Variants in TAT observed in about 807,000 individuals in gnomAD.
The protein encoded by TAT is L-tyrosine:2-oxoglutarate aminotransferase.
In TAT, 35 loss-of-function variants were observed where a neutral mutation model predicts 53.6. The observed-to-expected ratio is 0.65, with a 90% confidence interval of 0.50 to 0.87. The LOEUF is 0.87. Among genes scored for constraint, TAT ranks in the 40% least tolerant of loss-of-function variants. The pLI is 0.00. For missense variants in TAT, 525 were observed against 571.8 expected (o/e 0.92, Z 0.83); for synonymous variants, 197 against 206.5 (o/e 0.95, Z 0.39).
At chr16:71,572,477 T>A in intron 5 of TAT, 53 bp downstream of exon 5, 1 of 1,612,956 alleles carries the variant, frequency 6.2e-7, no homozygotes, top group Non-Finnish European at 8.5e-7. Flanking sequence ...GTTCATATAT[T>A]TTTTACAGGT....
rs1176697853 is a variant in TAT at position 71,570,450 on chromosome 16, T to A, written c.913-53A>T. 9.3e-6 allele frequency: 15 copies of A among 1,613,896 alleles called. No individual in the cohort carries two copies. The East Asian group carries it at 3.1e-4, about 34-fold the overall frequency. On this transcript the variant is annotated intron_variant, in intron 8 of 11. Transcript: ENST00000355962. Reference sequence around the variant, plus strand: ...GTTTAGCTTTTCTTAAGCATCTCTGTCTTAGAGTTTCTTGTTCTGACCTTT... The same window carrying A: ...GTTTAGCTTTTCTTAAGCATCTCTGACTTAGAGTTTCTTGTTCTGACCTTT...
chr16:71,570,759 G>T lies in TAT; in HGVS notation c.832C>A (p.Leu278Met). 6.2e-7 allele frequency: 1 copy of T among 1,614,188 alleles called. No individual in the cohort carries two copies. Among genetic ancestry groups the T allele is most frequent in the Non-Finnish European group, 8.5e-7 (1 of 1,180,048 alleles). ...TDVPILSCGG[L>M]AKRWLVPGWR... ...CCAGGAACCAGCCAGCGCTTGGCCA[G>T]CCCTCCACAGGACAGGATGGGGACA... Residue 278 changes from leucine to methionine, a missense_variant, in exon 8 of 12, where the codon CTG becomes ATG. Physicochemically the swap from Leu to Met is conservative, Grantham distance 15. Transcript: ENST00000355962.
Position 71,567,955 on chromosome 16 carries a change from C to T in TAT, c.*189G>A, listed in dbSNP as rs540895737. 30 of 654,532 alleles carry T rather than the reference C, an allele frequency of 4.6e-5. No individual in the cohort carries two copies. The highest frequency in any genetic ancestry group is 7.0e-5 in the South Asian group (4 of 56,952). 40.5% of individuals were successfully genotyped at this position (654,532 alleles called of 1,614,324 possible). ...GCAGCGCAGAGCAAGGGAGAATCTG[C>T]GATGTGAATGAGGAGGATCTGAGTG... On this transcript the variant is annotated 3_prime_UTR_variant, in exon 12 of 12. Coordinates refer to ENST00000355962, the MANE Select transcript of TAT (RefSeq NM_000353.3).
intron 3 of TAT, chr16:71,575,485 T>A (rs1466718195): frequency 3.9e-6 from 1 of 255,266 alleles, no homozygotes; most frequent in African/African-American, 2.2e-5. Context: ...TTCAATGTGC[T>A]CAGGACCATA....
chr16:71,573,347 C>A (rs2044215791), intron 4 of TAT, among the ~76,000 whole-genome samples, 192 bp downstream of exon 4: 1 of 152,190 alleles, frequency 6.6e-6, no homozygotes. Context: ...TGGTCATTAT[C>A]ACACTGTAAT....
rs911826247 is a variant in TAT at position 71,576,528 on chromosome 16, T to G, written c.-12-101A>C. On this transcript the variant is annotated intron_variant, in intron 1 of 11. Coordinates refer to ENST00000355962, the MANE Select transcript of TAT (RefSeq NM_000353.3). ...ACATTGGGTGACTTCACTAAAAGTG[T>G]CTTTCCAAACTCTCTCTTTATTTTT... is the stretch of plus-strand genomic sequence containing the variant. 16 of 986,380 alleles carry G rather than the reference T, an allele frequency of 1.6e-5. No individual in the cohort carries two copies. In the East Asian group the frequency reaches 4.0e-4, roughly 25 times the overall value. 61.1% of individuals were successfully genotyped at this position (986,380 alleles called of 1,614,324 possible). A position where few individuals can be genotyped will look rare whatever the true frequency, so the allele number is the denominator to read the frequency against.
chr16:71,570,537 T>G (rs2044194987), intron 8 of TAT, 140 bp from the exon 9 acceptor site: 2 of 1,565,230 alleles, frequency 1.3e-6, no homozygotes, highest in African/African-American at 1.4e-5. Context: ...TCAGACCCTC[T>G]GGGTTCGTAG....
chr16:71,568,252 G>A lies in TAT; in HGVS notation c.1257C>T (p.Val419=). 1.9e-6 allele frequency: 3 copies of A among 1,614,164 alleles called. No individual in the cohort carries two copies. Among genetic ancestry groups the A allele is most frequent in the Non-Finnish European group, 2.5e-6 (3 of 1,180,032 alleles). ...CFEYPNFIRV[V]ITVPEVMMLE... ...GCATCATCACCTCGGGGACTGTGAT[G>A]ACCACTCGGATGAAATTCGGGTACT... The change falls in exon 12 of 12, where the codon GTC becomes GTT. Residue 419 remains valine (V), a synonymous_variant. Coordinates refer to ENST00000355962, the MANE Select transcript of TAT (RefSeq NM_000353.3).
intron 11 of TAT, 145 bp downstream of exon 11, chr16:71,568,566 G>T: frequency 1.3e-6 from 1 of 770,366 alleles, no homozygotes; most frequent in Non-Finnish European, 2.2e-6. Context: ...TTTTAAATAG[G>T]ATCCATGAGA....
rs201660155 is a variant in TAT, at chr16:71,575,991, G to C, written c.271C>G (p.Pro91Ala). Residue 91 changes from proline (P) to alanine (A), a missense_variant, in exon 3 of 12, where the codon CCT (proline) becomes GCT (alanine). Transcript: ENST00000355962. ...TCTTTCATTGCCTGGGTAACTTCAG[G>C]GTCTGTAGGCAGGTTTCCAAACACA... ...PTVFGNLPTD[P>A]EVTQAMKDAL... is the part of the protein sequence containing the mutation. The C allele has an allele frequency of 4.4e-5, 71 of 1,613,980 alleles. No homozygotes were observed. The highest frequency in any genetic ancestry group is 5.9e-5 in the Non-Finnish European group (70 of 1,180,030).
intron 4 of TAT, among the ~76,000 whole-genome samples, chr16:71,573,129 C>A (rs1464018438): frequency 6.6e-6 from 1 of 152,176 alleles, no homozygotes; most frequent in Non-Finnish European, 1.5e-5. Context: ...CCTGGTACTT[C>A]TATCTTTCTC....
chr16:71,568,708 C>T lies in TAT; in HGVS notation c.1224+3G>A. ...GAATGTCCTGAGGGACACAGGCACC[C>T]ACCGTTGCTGGGAGGCAGTGGACAG... On this transcript the variant is annotated splice_donor_region_variant and intron_variant, in intron 11 of 11. Coordinates refer to ENST00000355962, the MANE Select transcript of TAT (RefSeq NM_000353.3). 1 of 1,612,208 alleles carries T rather than the reference C, an allele frequency of 6.2e-7. No homozygotes were observed. Among genetic ancestry groups the T allele is most frequent in the Non-Finnish European group, 8.5e-7 (1 of 1,178,714 alleles).
chr16:71,568,394 A>ATCAGT, intron 11 of TAT, 110 bp from the exon 12 acceptor site: 8 of 1,088,406 alleles, frequency 7.4e-6, no homozygotes, highest in South Asian at 2.7e-5. Context: ...CATCAGGGCC[A>ATCAGT]TCAGTTCATT....
rs1323012880 is a variant in TAT, at chr16:71,566,972, TAAATC to T, written c.*1167_*1171del. On this transcript the variant is annotated 3_prime_UTR_variant, in exon 12 of 12. Coordinates refer to ENST00000355962, the MANE Select transcript of TAT (RefSeq NM_000353.3). ...TGTATGAAAAGATAATATATATTAA[TAAATC>T]AATATTAACATTACAGCAAAAGTAA... 2.6e-5 allele frequency: 4 copies of T among 151,988 alleles called. No homozygotes were observed. The highest frequency in any genetic ancestry group is 9.7e-5 in the African/African-American group (4 of 41,412). 9.4% of individuals were successfully genotyped at this position (151,988 alleles called of 1,614,324 possible). A position where few individuals can be genotyped will look rare whatever the true frequency, so the allele number is the denominator to read the frequency against.
intron 7 of TAT, 75 bp from the exon 8 acceptor site, chr16:71,570,906 C>A: frequency 6.5e-7 from 1 of 1,549,904 alleles, no homozygotes; most frequent in Non-Finnish European, 8.8e-7. Flanking sequence ...GGCTCCCACC[C>A]ATTTCCTTCT....
At chr16:71,571,511 G>T in intron 7 of TAT, 95 bp downstream of exon 7, 1 of 1,160,148 alleles carries the variant, frequency 8.6e-7, no homozygotes. Context: ...TTGCTGTAAT[G>T]AAACGATTAG....
At position 71,576,358 on chromosome 16, in the gene TAT, C is replaced by T. The variant is rs1313615595; in HGVS notation, c.58G>A (p.Val20Met). 5 of 1,614,060 alleles carry T rather than the reference C, an allele frequency of 3.1e-6. No individual in the cohort carries two copies. The African/African-American group carries it at 4.0e-5, about 13-fold the overall frequency. ...CTTCTCCCACCAACGTTGACATGCA[C>T]GTCCAGAATTGAGGGGAGGTTGCCT... ...SKGNLPSILD[V>M]HVNVGGRSSV... The change falls in exon 2 of 12, where the codon GTG (valine) becomes ATG (methionine). Residue 20 changes from valine (V) to methionine (M), a missense_variant. Val to Met is a conservative substitution (Grantham distance 21). Transcript: ENST00000355962.
intron 9 of TAT, 138 bp from the exon 10 acceptor site, chr16:71,570,075 C>T (rs1445135694): frequency 1.5e-6 from 2 of 1,311,696 alleles, no homozygotes; most frequent in Non-Finnish European, 2.1e-6. Context: ...AGAAAAAGCT[C>T]TATTACTTGA....
intron 2 of TAT, 24 bp downstream of exon 2, chr16:71,576,157 C>T: frequency 6.2e-7 from 1 of 1,611,474 alleles, no homozygotes; most frequent in South Asian, 1.1e-5. Flanking sequence ...CAATGACAGC[C>T]CCTCAGTAGT....
Sources: gnomAD v4.1 joint callset for allele counts (sites outside exome capture counted in the v4.1 genomes callset) on GRCh38, gnomAD v4.1.1 for gene constraint, MANE v1.5 for transcripts, NCBI Gene and HGNC (gene_info 2026-07-23, HGNC 2026-07-21) for gene names.